The following KDM1A variants were observed in gnomAD, a reference collection of about 807,000 sequenced individuals.
KDM1A encodes lysine demethylase 1A.
In KDM1A, 49 loss-of-function variants were observed where a neutral mutation model predicts 109.4. That is an observed-to-expected ratio of 0.45 (90% confidence interval 0.36 to 0.57). The LOEUF is 0.57. Ranked by LOEUF, KDM1A falls within the 20% of genes least tolerant of loss-of-function variation. The pLI is 0.00. For synonymous variants in KDM1A, 380 were observed against 415.4 expected (o/e 0.91, Z 1.04); for missense variants, 668 against 1,116.6 (o/e 0.60, Z 5.73).
At chr1:23,058,932 G>T in intron 8 of KDM1A, 141 bp from the exon 9 acceptor site, 1 of 479,914 alleles carries the variant, frequency 2.1e-6, no homozygotes, top group Non-Finnish European at 3.6e-6. Flanking sequence ...TTTTTACTTA[G>T]AGTGCTTTTT....
intron 2 of KDM1A, among the ~76,000 whole-genome samples, chr1:23,042,941 G>T (rs1642396169): frequency 1.3e-5 from 2 of 151,270 alleles, no homozygotes; most frequent in Admixed American, 1.3e-4. Flanking sequence ...TAGAAATAAG[G>T]TTTCACCAAG....
In KDM1A at chr1:23,083,682, T is replaced by C. The variant is rs1643691294; in HGVS notation, c.*318T>C. ...TATATTTTGAGAATAAAACTTCATA[T>C]AAAATTGGCCCTCTCTTTTGTTCCT... On this transcript the variant is annotated 3_prime_UTR_variant, in exon 21 of 21. Coordinates refer to ENST00000400181, the MANE Select transcript of KDM1A (RefSeq NM_001009999.3). The C allele has an allele frequency of 5.1e-6, 1 of 197,104 alleles. No homozygotes were observed. Among genetic ancestry groups the C allele is most frequent in the Admixed American group, 5.8e-5 (1 of 17,168 alleles). The allele number at this position is 197,104 out of a possible 1,614,324, so 12.2% of individuals were successfully genotyped here. A position where few individuals can be genotyped will look rare whatever the true frequency, so the allele number is the denominator to read the frequency against.
intron 3 of KDM1A, among the ~76,000 whole-genome samples, chr1:23,048,244 G>A (rs1456595108): frequency 6.6e-6 from 1 of 151,980 alleles, no homozygotes; most frequent in East Asian, 1.9e-4. Context: ...AGTCTTGGTG[G>A]TTTTGTTTTG....
intron 18 of KDM1A, among the ~76,000 whole-genome samples, chr1:23,080,107 A>G (rs914766077): frequency 2.0e-5 from 3 of 152,210 alleles, no homozygotes; most frequent in African/African-American, 7.2e-5. Context: ...CTGTATGTAG[A>G]CTTGTAATAT....
At chr1:23,081,410 A>T in intron 18 of KDM1A, 36 bp from the exon 19 acceptor site, 3 of 1,610,374 alleles carry the variant, frequency 1.9e-6, no homozygotes, top group Non-Finnish European at 2.5e-6. Flanking sequence ...GAAAGTCTGT[A>T]GGAAAACCCT....
At chr1:23,070,270 G>A (rs778257497) in intron 12 of KDM1A, among the ~76,000 whole-genome samples, 10 of 152,186 alleles carry the variant, frequency 6.6e-5, no homozygotes, top group South Asian at 2.1e-4. Flanking sequence ...TCAAGAGCTC[G>A]AGATCAGCCT....
intron 2 of KDM1A, among the ~76,000 whole-genome samples, chr1:23,038,889 A>C (rs1327740731): frequency 6.6e-6 from 1 of 152,034 alleles, no homozygotes; most frequent in Non-Finnish European, 1.5e-5. Flanking sequence ...TCTAGTTGGA[A>C]CTCATAATTT....
At chr1:23,063,349 C>T (rs2124493152) in intron 9 of KDM1A, among the ~76,000 whole-genome samples, 1 of 151,974 alleles carries the variant, frequency 6.6e-6, no homozygotes, top group East Asian at 1.9e-4. Context: ...GAAAGAATGA[C>T]AGACAGCATG....
intron 9 of KDM1A, among the ~76,000 whole-genome samples, chr1:23,062,513 C>T (rs1171037339): frequency 6.6e-6 from 1 of 152,322 alleles, no homozygotes; most frequent in African/African-American, 2.4e-5. Flanking sequence ...CAGAAAGTTA[C>T]TCAGAGTTAT....
chr1:23,072,024 G>A, intron 13 of KDM1A, 100 bp from the exon 14 acceptor site: 1 of 736,840 alleles, frequency 1.4e-6, no homozygotes. Context: ...TACATGATCT[G>A]AAGAGGAAAT....
In KDM1A at chr1:23,072,212, C is replaced by T; in HGVS notation, c.1622+15C>T. 1 of 1,586,374 alleles carries T rather than the reference C, an allele frequency of 6.3e-7. No individual in the cohort carries two copies. Among genetic ancestry groups the T allele is most frequent in the Non-Finnish European group, 8.6e-7 (1 of 1,157,662 alleles). On this transcript the variant is annotated intron_variant, in intron 14 of 20. Coordinates refer to ENST00000400181, the MANE Select transcript of KDM1A (RefSeq NM_001009999.3). ...AATCCCCCAAGGTAAGGAAAACAAA[C>T]ACAAAAGTTCAGAGGGAGAGCTTTT...
chr1:23,033,595 T>G (rs1482067362), intron 2 of KDM1A, among the ~76,000 whole-genome samples: 1 of 152,200 alleles, frequency 6.6e-6, no homozygotes, highest in East Asian at 1.9e-4. Context: ...ACTTTTAAAT[T>G]TGTTTAGAAA....
Position 23,073,372 on chromosome 1 carries a change from T to A in KDM1A, c.1703T>A (p.Leu568His). Residue 568 changes from leucine to histidine, a missense_variant, in exon 15 of 21, where the codon CTC (leucine) becomes CAC (histidine). This residue lies in a region of KDM1A where 162 missense variants were observed against 376.4 expected (regional missense o/e 0.43). Coordinates refer to ENST00000400181, the MANE Select transcript of KDM1A (RefSeq NM_001009999.3). ...CTTGAATTTGCTAATGCCACACCTC[T>A]CTCAACTCTCTCCCTTAAGCACTGG... ...ANLEFANATP[L>H]STLSLKHWDQ... is the part of the protein sequence containing the mutation. 1 of 1,609,396 alleles carries A rather than the reference T, an allele frequency of 6.2e-7. No individual in the cohort carries two copies. Among genetic ancestry groups the A allele is most frequent in the Non-Finnish European group, 8.5e-7 (1 of 1,175,884 alleles).
At chr1:23,067,172 T>C (rs1317616428) in intron 10 of KDM1A, among the ~76,000 whole-genome samples, 1 of 152,262 alleles carries the variant, frequency 6.6e-6, no homozygotes, top group Non-Finnish European at 1.5e-5. Flanking sequence ...TTCTTTAGGC[T>C]AAGGGTAATT....
At position 23,043,834 on chromosome 1, in the gene KDM1A, G is replaced by GCA. The variant is rs3830769; in HGVS notation, c.518-578_518-577dup. On this transcript the variant is annotated intron_variant, in intron 2 of 20. Coordinates refer to ENST00000400181, the MANE Select transcript of KDM1A (RefSeq NM_001009999.3). ...AGTGTGTGTTTATCTACAGTACTTG[G>GCA]CACACACACACACACAGTGTCTTAT... Among the ~76,000 whole-genome samples, 79 of 151,252 alleles carry GCA rather than the reference G, an allele frequency of 5.2e-4. 1 individual carries two copies. Among genetic ancestry groups the GCA allele is most frequent in the African/African-American group, 7.5e-4 (31 of 41,286 alleles).
At chr1:23,042,902 C>T (rs561388085) in intron 2 of KDM1A, among the ~76,000 whole-genome samples, 248 of 152,120 alleles carry the variant, frequency 1.6e-3, no homozygotes, top group African/African-American at 5.7e-3. Context: ...GCGAGCACCA[C>T]CACACCTGGC....
At chr1:23,032,186 AG>A (rs1642003976) in intron 2 of KDM1A, among the ~76,000 whole-genome samples, 1 of 152,040 alleles carries the variant, frequency 6.6e-6, no homozygotes, top group Admixed American at 6.6e-5. Context: ...TCTTAGTTCA[AG>A]GGCTCTAAGT....
intron 1 of KDM1A, among the ~76,000 whole-genome samples, chr1:23,022,654 T>TC: frequency 2.3e-5 from 3 of 130,312 alleles, no homozygotes; most frequent in African/African-American, 8.8e-5. Flanking sequence ...TCTTCTTTTT[T>TC]TTTTTTTTTT....
chr1:23,039,711 G>A (rs569427133), intron 2 of KDM1A, among the ~76,000 whole-genome samples: 3 of 152,292 alleles, frequency 2.0e-5, no homozygotes, highest in East Asian at 1.9e-4. Flanking sequence ...GACCATAGTC[G>A]TGGTTTCACT....
Sources: allele counts gnomAD v4.1 joint callset (sites outside exome capture counted in the v4.1 genomes callset), GRCh38; gene constraint gnomAD v4.1.1; regional missense constraint gnomAD v4.1.1; transcripts MANE v1.5; gene names NCBI Gene and HGNC (gene_info 2026-07-23, HGNC 2026-07-21).